Variants in CTNNA3 observed in about 807,000 individuals in gnomAD.
CTNNA3 encodes catenin alpha 3.
Under a neutral mutation model 95.7 loss-of-function variants are expected in CTNNA3, and 76 were observed. The observed-to-expected ratio is 0.79, with a 90% confidence interval of 0.66 to 0.96. The LOEUF is 0.96. Among genes scored for constraint, CTNNA3 ranks in the 40% least tolerant of loss-of-function variants. The pLI is 0.00. For synonymous variants in CTNNA3, 431 were observed against 374.4 expected, an observed-to-expected ratio of 1.15 and a Z score of -1.74; for missense variants, 1,191 against 1,089.8, an observed-to-expected ratio of 1.09 and a Z score of -1.31.
intron 10 of CTNNA3, among the ~76,000 whole-genome samples, chr10:66,554,285 C>T (rs1256115499): frequency 6.6e-6 from 1 of 151,924 alleles, no homozygotes; most frequent in Non-Finnish European, 1.5e-5. Context: ...GATATTTTAT[C>T]TTTGATTTAG....
chr10:66,519,017 A>G (rs889600479), intron 11 of CTNNA3, among the ~76,000 whole-genome samples: 3 of 152,114 alleles, frequency 2.0e-5, no homozygotes, highest in African/African-American at 7.2e-5. Context: ...GGAACAAATC[A>G]GGTAACTTTA....
intron 13 of CTNNA3, among the ~76,000 whole-genome samples, chr10:66,198,783 A>G (rs1022733017): frequency 1.3e-5 from 2 of 152,224 alleles, no homozygotes; most frequent in African/African-American, 4.8e-5. Flanking sequence ...TACTTTATGT[A>G]ATATATTTTC....
chr10:66,570,611 C>A (rs1158996433), intron 10 of CTNNA3, among the ~76,000 whole-genome samples: 2 of 151,812 alleles, frequency 1.3e-5, no homozygotes, highest in African/African-American at 2.4e-5. Flanking sequence ...TTTTAAAGAC[C>A]AAACACATCA....
intron 5 of CTNNA3, among the ~76,000 whole-genome samples, chr10:67,238,691 T>A (rs1047644154): frequency 6.6e-6 from 1 of 151,954 alleles, no homozygotes; most frequent in East Asian, 1.9e-4. Context: ...CTGTAAATCA[T>A]GAACGAACTT....
chr10:67,183,905 T>C (rs1862706973), intron 6 of CTNNA3, among the ~76,000 whole-genome samples: 1 of 152,084 alleles, frequency 6.6e-6, no homozygotes, highest in South Asian at 2.1e-4. Context: ...TGCAGTCTTT[T>C]TTACATTATT....
intron 7 of CTNNA3, among the ~76,000 whole-genome samples, chr10:67,152,393 G>A (rs776106823): frequency 2.6e-5 from 4 of 152,298 alleles, no homozygotes; most frequent in Admixed American, 6.5e-5. Context: ...GTTACACTGG[G>A]AGAAAGATAA....
intron 7 of CTNNA3, among the ~76,000 whole-genome samples, chr10:66,909,552 C>T (rs915540187): frequency 4.0e-5 from 6 of 151,800 alleles, no homozygotes; most frequent in East Asian, 1.9e-4. Context: ...TCACTACCTT[C>T]GGACACAAAT....
intron 7 of CTNNA3, among the ~76,000 whole-genome samples, chr10:67,017,306 G>A (rs527410262): frequency 2.6e-5 from 4 of 152,306 alleles, no homozygotes; most frequent in South Asian, 2.1e-4. Flanking sequence ...CAAGAACACA[G>A]TGAGGTTAGG....
chr10:67,341,121 T>G (rs1254791027), intron 5 of CTNNA3, among the ~76,000 whole-genome samples: 2 of 152,168 alleles, frequency 1.3e-5, no homozygotes, highest in African/African-American at 4.8e-5. Context: ...GATACAGGCA[T>G]GGAAAGCATA....
chr10:66,843,083 A>T (rs1469903480), intron 7 of CTNNA3, among the ~76,000 whole-genome samples: 1 of 152,196 alleles, frequency 6.6e-6, no homozygotes, highest in Non-Finnish European at 1.5e-5. Flanking sequence ...TTGGAAAATC[A>T]ATACCCTGTG....
intron 5 of CTNNA3, among the ~76,000 whole-genome samples, chr10:67,222,388 TTCGGTG>T (rs1241950933): frequency 6.6e-6 from 1 of 152,204 alleles, no homozygotes; most frequent in Non-Finnish European, 1.5e-5. Context: ...ACTCATCTCT[TTCGGTG>T]TCTGTCTTTC....
intron 11 of CTNNA3, among the ~76,000 whole-genome samples, chr10:66,517,243 A>C (rs978406494): frequency 3.3e-5 from 5 of 151,940 alleles, no homozygotes; most frequent in African/African-American, 1.2e-4. Context: ...TAAATAAATA[A>C]AATAACCTTG....
chr10:65,989,989 A>G (rs2078506670), intron 15 of CTNNA3, among the ~76,000 whole-genome samples: 1 of 152,018 alleles, frequency 6.6e-6, no homozygotes, highest in African/African-American at 2.4e-5. Context: ...TATTTCACTT[A>G]GCATAACATC....
intron 12 of CTNNA3, among the ~76,000 whole-genome samples, chr10:66,319,699 C>A (rs1164214197): frequency 6.6e-6 from 1 of 152,108 alleles, no homozygotes; most frequent in Admixed American, 6.5e-5. Flanking sequence ...AAAACAATTA[C>A]ATTGGTTAAT....
intron 7 of CTNNA3, among the ~76,000 whole-genome samples, chr10:66,965,052 C>T (rs1849323506): frequency 6.6e-6 from 1 of 152,118 alleles, no homozygotes; most frequent in Admixed American, 6.5e-5. Flanking sequence ...TATTTCCTTC[C>T]TAAAACTTCC....
chr10:67,219,995 G>A, intron 5 of CTNNA3, 125 bp from the exon 6 acceptor site: 2 of 737,930 alleles, frequency 2.7e-6, no homozygotes, highest in South Asian at 4.4e-5. Context: ...TCAGCTATAA[G>A]TTATAATCAA....
rs546979996 is a variant in CTNNA3, at chr10:67,197,452, T to TA, written c.844-16933dup. Among the ~76,000 whole-genome samples the TA allele has an allele frequency of 5.9e-5, 9 of 151,920 alleles. No individual in the cohort carries two copies. In the East Asian group the frequency reaches 1.4e-3, roughly 23 times the overall value. On this transcript the variant is annotated intron_variant, in intron 6 of 17. Coordinates refer to ENST00000433211, the MANE Select transcript of CTNNA3 (RefSeq NM_013266.4). ...GGGTGAATTGTGCATAGTAGAGCAT[T>TA]AAAAAAAAGTAGCTGATATGGTGCA...
chr10:66,651,616 G>A (rs908008735), intron 9 of CTNNA3, among the ~76,000 whole-genome samples: 1 of 151,764 alleles, frequency 6.6e-6, no homozygotes, highest in Admixed American at 6.6e-5. Context: ...CCTGCTGGGA[G>A]ACGGCTGAGG....
intron 10 of CTNNA3, among the ~76,000 whole-genome samples, chr10:66,578,231 C>A (rs1387982279): frequency 6.6e-6 from 1 of 151,978 alleles, no homozygotes; most frequent in African/African-American, 2.4e-5. Flanking sequence ...CTGGCAGAAT[C>A]TATGGGGTTT....
Sources: gnomAD v4.1 joint callset for allele counts (sites outside exome capture counted in the v4.1 genomes callset) on GRCh38, gnomAD v4.1.1 for gene constraint, MANE v1.5 for transcripts, NCBI Gene and HGNC (gene_info 2026-07-23, HGNC 2026-07-21) for gene names.